The following TSHR variants were observed in gnomAD, a reference collection of about 807,000 sequenced individuals.
TSHR encodes the protein thyroid stimulating hormone receptor.
Under a neutral mutation model 64.1 loss-of-function variants are expected in TSHR, and 51 were observed. The observed-to-expected ratio is 0.80, with a 90% confidence interval of 0.64 to 1.01. The LOEUF is 1.01. Among genes scored for constraint, TSHR ranks in the 50% least tolerant of loss-of-function variants. The pLI is 0.00. For synonymous variants in TSHR, 361 were observed against 361.9 expected (o/e 1.00, Z 0.03); for missense variants, 877 against 942.8 (o/e 0.93, Z 0.91).
At chr14:81,006,002 G>T (rs1214228234) in intron 1 of TSHR, among the ~76,000 whole-genome samples, 3 of 152,114 alleles carry the variant, frequency 2.0e-5, no homozygotes, top group Admixed American at 2.0e-4. Context: ...CTTAAAGAGA[G>T]TAAATGACTT....
At chr14:81,009,615 T>C (rs972886006) in intron 1 of TSHR, among the ~76,000 whole-genome samples, 1 of 152,226 alleles carries the variant, frequency 6.6e-6, no homozygotes, top group Non-Finnish European at 1.5e-5. Flanking sequence ...TTCAACATTT[T>C]ATTTAAACTG....
chr14:81,087,877 T>C (rs1339830307), intron 3 of TSHR, 77 bp from the exon 4 acceptor site: 1 of 1,176,426 alleles, frequency 8.5e-7, no homozygotes, highest in East Asian at 2.3e-5. Flanking sequence ...TTGTTAAAAC[T>C]GATTTATGTT....
At chr14:81,128,953 A>T (rs58451532) in intron 8 of TSHR, among the ~76,000 whole-genome samples, 10,534 of 152,184 alleles carry the variant, frequency 0.069, 486 homozygotes, top group African/African-American at 0.13. Flanking sequence ...CTCATGGAGG[A>T]TATGCTCCGA....
chr14:81,076,725 C>T (rs1160447592), intron 3 of TSHR, among the ~76,000 whole-genome samples: 1 of 152,196 alleles, frequency 6.6e-6, no homozygotes, highest in East Asian at 1.9e-4. Context: ...CTGCCACCAC[C>T]CTTATTTAAG....
intron 1 of TSHR, among the ~76,000 whole-genome samples, chr14:80,979,038 C>T (rs1279264767): frequency 1.3e-5 from 2 of 152,212 alleles, no homozygotes; most frequent in African/African-American, 2.4e-5. Flanking sequence ...TTATATTTAA[C>T]ATTTCCAAAG....
At chr14:81,039,725 G>A (rs1391191437) in intron 1 of TSHR, among the ~76,000 whole-genome samples, 1 of 151,616 alleles carries the variant, frequency 6.6e-6, no homozygotes, top group Admixed American at 6.6e-5. Flanking sequence ...ACTTACAACA[G>A]TTACAAAAAA....
At chr14:81,114,460 C>A (rs35080161) in intron 8 of TSHR, among the ~76,000 whole-genome samples, 7 of 152,106 alleles carry the variant, frequency 4.6e-5, no homozygotes, top group African/African-American at 1.7e-4. Flanking sequence ...CCGAATACTG[C>A]GCTTTTCCGA....
chr14:81,112,320 T>G (rs1293275769), intron 8 of TSHR, among the ~76,000 whole-genome samples: 1 of 152,200 alleles, frequency 6.6e-6, no homozygotes, highest in African/African-American at 2.4e-5. Context: ...GACACTTCAT[T>G]ATTCTGATCT....
intron 2 of TSHR, among the ~76,000 whole-genome samples, chr14:81,067,302 T>A (rs955228162): frequency 6.6e-6 from 1 of 151,834 alleles, no homozygotes; most frequent in African/African-American, 2.4e-5. Context: ...CTTCTATTCA[T>A]TCAGTTGTTT....
intron 1 of TSHR, among the ~76,000 whole-genome samples, chr14:81,005,843 G>A (rs145994166): frequency 0.014 from 2,070 of 152,272 alleles, 15 homozygotes; most frequent in Middle Eastern, 0.045. Context: ...ATAGCGATGG[G>A]CCTTGAACAA....
intron 1 of TSHR, chr14:81,050,310 T>C (rs1360613204): frequency 6.6e-6 from 1 of 152,164 alleles, no homozygotes; most frequent in East Asian, 1.9e-4. Flanking sequence ...GGTCATTTTT[T>C]GTATGAAACA....
intron 6 of TSHR, among the ~76,000 whole-genome samples, chr14:81,095,802 G>A (rs1055924887): frequency 1.3e-5 from 2 of 151,910 alleles, no homozygotes; most frequent in African/African-American, 2.4e-5. Context: ...AATCCCCAGT[G>A]TTTCGGGAGG....
intron 1 of TSHR, among the ~76,000 whole-genome samples, chr14:80,989,391 A>G (rs1888620032): frequency 6.6e-6 from 1 of 152,186 alleles, no homozygotes; most frequent in Non-Finnish European, 1.5e-5. Context: ...AATATCCGTT[A>G]AAGCTCAAAT....
chr14:80,978,496 C>A (rs74064781), intron 1 of TSHR, among the ~76,000 whole-genome samples: 55 of 152,174 alleles, frequency 3.6e-4, no homozygotes, highest in African/African-American at 1.3e-3. Context: ...ACAGAGCTGA[C>A]AAAATCTTGG....
intron 3 of TSHR, among the ~76,000 whole-genome samples, chr14:81,081,381 A>G (rs1423754119): frequency 1.3e-5 from 2 of 152,186 alleles, no homozygotes; most frequent in East Asian, 3.9e-4. Flanking sequence ...ATATTACAAA[A>G]GATAGAGATG....
intron 1 of TSHR, among the ~76,000 whole-genome samples, chr14:81,060,504 G>A (rs558064359): frequency 4.7e-4 from 72 of 152,228 alleles, no homozygotes; most frequent in Middle Eastern, 3.4e-3. Context: ...AAGAGTTGCA[G>A]ATTTACTCTT....
chr14:81,068,085 G>GA (rs954027787), intron 2 of TSHR, among the ~76,000 whole-genome samples, 169 bp from the exon 3 acceptor site: 15 of 148,714 alleles, frequency 1.0e-4, no homozygotes, highest in Admixed American at 2.7e-4. Flanking sequence ...CACAAGATCT[G>GA]AAAAAAAAAG....
chr14:80,977,724 G>A (rs945289578), intron 1 of TSHR, among the ~76,000 whole-genome samples: 7 of 152,184 alleles, frequency 4.6e-5, no homozygotes, highest in African/African-American at 1.4e-4. Flanking sequence ...GTGCTGCAAA[G>A]TCCTGCTCAG....
chr14:81,036,929 G>A (rs1476449970), intron 1 of TSHR, among the ~76,000 whole-genome samples: 1 of 152,054 alleles, frequency 6.6e-6, no homozygotes, highest in African/African-American at 2.4e-5. Flanking sequence ...GATCACCTGA[G>A]GTCAGAAGTT....
Sources: allele counts gnomAD v4.1 joint callset (sites outside exome capture counted in the v4.1 genomes callset), GRCh38; gene constraint gnomAD v4.1.1; transcripts MANE v1.5; gene names NCBI Gene and HGNC (gene_info 2026-07-23, HGNC 2026-07-21).